Variants in PRKN observed in about 807,000 individuals in gnomAD.
PRKN encodes the protein E3 ubiquitin-protein ligase parkin.
PRKN carries 56 observed loss-of-function variants against 59.5 expected under a neutral mutation model. That is an observed-to-expected ratio of 0.94 (90% CI 0.76 to 1.18). The LOEUF (loss-of-function observed/expected upper bound fraction) is 1.18, where lower values mean the gene tolerates loss of function less well. Among genes scored for constraint, PRKN ranks in the 50% most tolerant of loss-of-function variants. The pLI, the probability that PRKN is intolerant of heterozygous loss-of-function variation, is 0.00. For missense variants in PRKN, 657 were observed against 596.4 expected (o/e 1.10, Z -1.06); for synonymous variants, 250 against 222.1 (o/e 1.13, Z -1.12).
chr6:162,008,001 C>T (rs1324849982), intron 5 of PRKN, among the ~76,000 whole-genome samples: 1 of 152,012 alleles, frequency 6.6e-6, no homozygotes, highest in Admixed American at 6.6e-5. Context: ...TTATAAGATA[C>T]CACACACTTA....
intron 2 of PRKN, among the ~76,000 whole-genome samples, chr6:162,364,824 A>G (rs1785338093): frequency 6.6e-6 from 1 of 152,180 alleles, no homozygotes; most frequent in Non-Finnish European, 1.5e-5. Flanking sequence ...TTGTGTAAAA[A>G]ACAAAGCAAC....
At chr6:162,290,174 G>C (rs143106445) in intron 2 of PRKN, among the ~76,000 whole-genome samples, 7 of 152,254 alleles carry the variant, frequency 4.6e-5, no homozygotes, top group East Asian at 3.9e-4. Context: ...GCAATAGGCT[G>C]ACTGTCATTC....
intron 1 of PRKN, among the ~76,000 whole-genome samples, chr6:162,450,400 C>T (rs989201017): frequency 1.5e-4 from 20 of 134,806 alleles, no homozygotes; most frequent in Non-Finnish European, 3.0e-4. Flanking sequence ...AATGTAAACG[C>T]CCCTATGATT....
intron 9 of PRKN, among the ~76,000 whole-genome samples, chr6:161,427,706 C>T (rs1220881764): frequency 6.6e-6 from 1 of 152,098 alleles, no homozygotes; most frequent in Non-Finnish European, 1.5e-5. Context: ...TACATTTAGG[C>T]CTTTGCTGAG....
chr6:162,035,834 A>T (rs1783816746), intron 5 of PRKN, among the ~76,000 whole-genome samples: 2 of 152,216 alleles, frequency 1.3e-5, no homozygotes, highest in Non-Finnish European at 2.9e-5. Flanking sequence ...GATGCATAAA[A>T]AGTAATTTGT....
intron 4 of PRKN, among the ~76,000 whole-genome samples, chr6:162,117,614 C>T (rs747462742): frequency 1.5e-4 from 23 of 152,298 alleles, no homozygotes; most frequent in Non-Finnish European, 2.8e-4. Flanking sequence ...TGTTGATTTC[C>T]TTCTCCACTG....
chr6:161,943,136 C>G (rs1214250226), intron 6 of PRKN, among the ~76,000 whole-genome samples: 1 of 152,200 alleles, frequency 6.6e-6, no homozygotes, highest in African/African-American at 2.4e-5. Flanking sequence ...GCTTATTAAC[C>G]TCAATAGTGA....
intron 4 of PRKN, among the ~76,000 whole-genome samples, chr6:162,146,654 A>AC (rs918546300): frequency 5.9e-5 from 9 of 151,874 alleles, no homozygotes; most frequent in African/African-American, 1.7e-4. Flanking sequence ...ACAGGCATGC[A>AC]CCATCATGCC....
intron 1 of PRKN, among the ~76,000 whole-genome samples, chr6:162,540,807 CAA>C (rs59944356): frequency 5.3e-4 from 67 of 126,452 alleles, no homozygotes; most frequent in African/African-American, 1.0e-3. Context: ...AACTCTGGCT[CAA>C]AAAAAAAAAA....
At chr6:162,508,918 A>G (rs1355037219) in intron 1 of PRKN, among the ~76,000 whole-genome samples, 1 of 152,190 alleles carries the variant, frequency 6.6e-6, no homozygotes, top group Non-Finnish European at 1.5e-5. Flanking sequence ...TTCTTTACAA[A>G]AAGAGGCAGA....
chr6:162,501,721 C>T (rs1311091377), intron 1 of PRKN, among the ~76,000 whole-genome samples: 1 of 152,064 alleles, frequency 6.6e-6, no homozygotes, highest in Non-Finnish European at 1.5e-5. Flanking sequence ...ATTGAGGACA[C>T]TGCAGGCCAT....
intron 6 of PRKN, among the ~76,000 whole-genome samples, chr6:161,855,736 CTAACT>C (rs1360252784): frequency 6.6e-6 from 1 of 152,044 alleles, no homozygotes; most frequent in Non-Finnish European, 1.5e-5. Context: ...TAAAAATAAC[CTAACT>C]TATTTTATGA....
At chr6:162,292,864 C>A (rs118028012) in intron 2 of PRKN, among the ~76,000 whole-genome samples, 1 of 152,218 alleles carries the variant, frequency 6.6e-6, no homozygotes, top group East Asian at 1.9e-4. Context: ...TCCTACAGCA[C>A]ACAAAAAAAC....
intron 10 of PRKN, among the ~76,000 whole-genome samples, chr6:161,381,662 C>T (rs950927638): frequency 6.6e-6 from 1 of 152,162 alleles, no homozygotes; most frequent in Non-Finnish European, 1.5e-5. Flanking sequence ...ACTGTCTATT[C>T]TTTTCCTGTA....
chr6:162,401,187 C>T (rs1191611883), intron 2 of PRKN, among the ~76,000 whole-genome samples: 1 of 151,232 alleles, frequency 6.6e-6, no homozygotes, highest in East Asian at 1.9e-4. Flanking sequence ...AACAACATAA[C>T]CATAAAAGTC....
At chr6:161,946,992 A>T (rs1211848550) in intron 6 of PRKN, among the ~76,000 whole-genome samples, 1 of 152,098 alleles carries the variant, frequency 6.6e-6, no homozygotes. Context: ...TCATTTTTCT[A>T]AGAGTAATAT....
chr6:161,896,836 G>C (rs1214874278), intron 6 of PRKN, among the ~76,000 whole-genome samples: 1 of 151,988 alleles, frequency 6.6e-6, no homozygotes, highest in East Asian at 1.9e-4. Context: ...AATTCCACTG[G>C]ATCTATTTTC....
intron 2 of PRKN, among the ~76,000 whole-genome samples, chr6:162,424,783 G>A (rs1271433848): frequency 6.6e-6 from 1 of 151,900 alleles, no homozygotes; most frequent in Non-Finnish European, 1.5e-5. Flanking sequence ...ACTGGCGGAT[G>A]GGGGTGGGAA....
At chr6:162,682,056 T>C (rs561935937) in intron 1 of PRKN, among the ~76,000 whole-genome samples, 4 of 152,276 alleles carry the variant, frequency 2.6e-5, no homozygotes, top group South Asian at 4.1e-4. Flanking sequence ...CATATACATA[T>C]ACATAGCCTT....
Sources: allele counts gnomAD v4.1 joint callset (sites outside exome capture counted in the v4.1 genomes callset), GRCh38; gene constraint gnomAD v4.1.1; transcripts MANE v1.5; gene names NCBI Gene and HGNC (gene_info 2026-07-23, HGNC 2026-07-21).